The following GRIA2 variants were observed in gnomAD, a reference collection of about 807,000 sequenced individuals.
The protein encoded by GRIA2 is glutamate receptor 2.
In GRIA2, 14 loss-of-function variants were observed where a neutral mutation model predicts 97.3. The ratio of observed to expected loss-of-function variants is 0.14; its 90% CI spans 0.10 to 0.23. The LOEUF (loss-of-function observed/expected upper bound fraction) is 0.23, where lower values mean the gene tolerates loss of function less well. Ranked by LOEUF, GRIA2 falls within the 10% of genes least tolerant of loss-of-function variation. The pLI is 1.00. For synonymous variants in GRIA2, 412 were observed against 387.8 expected, an observed-to-expected ratio of 1.06 and a Z score of -0.73; for missense variants, 558 against 1,069.8, an observed-to-expected ratio of 0.52 and a Z score of 6.67.
chr4:157,238,904 TG>T (rs1730370100), intron 2 of GRIA2, among the ~76,000 whole-genome samples: 1 of 152,196 alleles, frequency 6.6e-6, no homozygotes, highest in Non-Finnish European at 1.5e-5. Flanking sequence ...AAATATTTTT[TG>T]TTATATAAAA....
intron 2 of GRIA2, among the ~76,000 whole-genome samples, chr4:157,298,088 C>T (rs183121296): frequency 6.6e-6 from 1 of 151,748 alleles, no homozygotes; most frequent in Non-Finnish European, 1.5e-5. Context: ...TTGACTGATG[C>T]CTTTATGTGA....
chr4:157,237,374 A>G (rs1040867870), intron 2 of GRIA2, among the ~76,000 whole-genome samples: 1 of 151,574 alleles, frequency 6.6e-6, no homozygotes, highest in Non-Finnish European at 1.5e-5. Flanking sequence ...GGCTCACTGT[A>G]ACCGCAAACT....
chr4:157,236,052 G>GA, intron 2 of GRIA2, among the ~76,000 whole-genome samples: 1 of 151,900 alleles, frequency 6.6e-6, no homozygotes, highest in Non-Finnish European at 1.5e-5. Context: ...ATTTCAGGTA[G>GA]AAAATCATGA....
chr4:157,291,926 GA>G (rs1041173577), intron 2 of GRIA2, among the ~76,000 whole-genome samples: 4 of 151,688 alleles, frequency 2.6e-5, no homozygotes, highest in Non-Finnish European at 5.9e-5. Flanking sequence ...AAAATATAAA[GA>G]AAAATCATCT....
At chr4:157,223,221 C>T (rs930103593) in intron 2 of GRIA2, among the ~76,000 whole-genome samples, 1 of 152,146 alleles carries the variant, frequency 6.6e-6, no homozygotes, top group African/African-American at 2.4e-5. Flanking sequence ...CAACTACTGT[C>T]ACCCGGACGA....
At chr4:157,228,832 C>A (rs1007302798) in intron 2 of GRIA2, among the ~76,000 whole-genome samples, 1 of 149,916 alleles carries the variant, frequency 6.7e-6, no homozygotes, top group African/African-American at 2.4e-5. Context: ...GAATGACCCC[C>A]CCACCTCCCC....
At position 157,341,389 on chromosome 4, in the gene GRIA2, C is replaced by T; in HGVS notation, c.1970C>T (p.Ala657Val). 1.2e-6 allele frequency: 2 copies of T among 1,612,732 alleles called. No individual in the cohort carries two copies. Among genetic ancestry groups the T allele is most frequent in the Non-Finnish European group, 1.7e-6 (2 of 1,178,890 alleles). ...VERMVSPIESAEDLSKQTEIA... is the reference protein window; with the variant it reads ...VERMVSPIESVEDLSKQTEIA... ...AGGATGGTGTCTCCCATCGAAAGTG[C>T]TGAGGATCTTTCTAAGCAAACAGAA... Residue 657 changes from alanine (A) to valine (V), a missense_variant, in exon 12 of 16, where the codon GCT becomes GTT. Ala to Val is a moderately conservative substitution (Grantham distance 64, BLOSUM62 0). Coordinates refer to ENST00000264426, the MANE Select transcript of GRIA2 (RefSeq NM_001083619.3).
At chr4:157,248,597 A>ACGTGTG (rs1240660535) in intron 2 of GRIA2, among the ~76,000 whole-genome samples, 1 of 63,692 alleles carries the variant, frequency 1.6e-5, no homozygotes, top group African/African-American at 7.5e-5. Flanking sequence ...ATATATGTAT[A>ACGTGTG]TATATGTATA....
intron 12 of GRIA2, among the ~76,000 whole-genome samples, chr4:157,342,879 T>G (rs1735606986): frequency 6.6e-6 from 1 of 152,092 alleles, no homozygotes; most frequent in Admixed American, 6.6e-5. Context: ...TTTCAGTTAT[T>G]ACCTTGTTTG....
chr4:157,351,323 A>G (rs747774777), intron 12 of GRIA2, among the ~76,000 whole-genome samples: 2 of 152,146 alleles, frequency 1.3e-5, no homozygotes, highest in Non-Finnish European at 2.9e-5. Flanking sequence ...ATTAAAAATA[A>G]CACTATTAAA....
At chr4:157,341,207 G>GT (rs1488856719) in intron 11 of GRIA2, 57 bp from the exon 12 acceptor site, 11 of 1,174,720 alleles carry the variant, frequency 9.4e-6, no homozygotes, top group African/African-American at 1.5e-5. Context: ...CTGCTAACTT[G>GT]TTTTTTTATT....
intron 12 of GRIA2, among the ~76,000 whole-genome samples, chr4:157,349,260 T>A (rs1002209510): frequency 6.6e-6 from 1 of 152,184 alleles, no homozygotes; most frequent in African/African-American, 2.4e-5. Context: ...TTCTGTCTTA[T>A]GTATATTAGT....
At chr4:157,325,638 G>C (rs1321534611) in intron 6 of GRIA2, among the ~76,000 whole-genome samples, 2 of 152,126 alleles carry the variant, frequency 1.3e-5, no homozygotes, top group East Asian at 3.9e-4. Context: ...TCAGCCTCTG[G>C]AAACTATTCC....
chr4:157,354,392 G>T (rs971797877), intron 12 of GRIA2, among the ~76,000 whole-genome samples: 5 of 152,108 alleles, frequency 3.3e-5, no homozygotes, highest in Admixed American at 6.5e-5. Flanking sequence ...CTTCAACAAT[G>T]CTAGACAATG....
chr4:157,359,021 G>T (rs1408263999), intron 12 of GRIA2, among the ~76,000 whole-genome samples: 7 of 152,044 alleles, frequency 4.6e-5, no homozygotes, highest in African/African-American at 1.7e-4. Flanking sequence ...TCCCAAAAGG[G>T]ATTAAAGTCA....
chr4:157,355,279 G>A (rs553873433), intron 12 of GRIA2, among the ~76,000 whole-genome samples: 3 of 152,174 alleles, frequency 2.0e-5, no homozygotes, highest in East Asian at 1.9e-4. Context: ...TGTAATCCCA[G>A]CACTTTGGGA....
At chr4:157,238,988 A>C (rs556795628) in intron 2 of GRIA2, among the ~76,000 whole-genome samples, 1 of 152,114 alleles carries the variant, frequency 6.6e-6, no homozygotes, top group Admixed American at 6.5e-5. Flanking sequence ...CTTTTGCCCA[A>C]TTTTTATTGT....
intron 2 of GRIA2, among the ~76,000 whole-genome samples, chr4:157,262,433 T>C (rs1332999031): frequency 6.6e-6 from 1 of 152,000 alleles, no homozygotes. Context: ...ATTGGGCCAA[T>C]CTTAATAACG....
rs72962850 is a variant in GRIA2, at chr4:157,282,862, G to C, written c.230-20690G>C. ...AATATGTATGAGCCGACATCCAAAAGAATGCACTGATTTCACAAAAATATA... is the reference window on the plus strand; with the variant it reads ...AATATGTATGAGCCGACATCCAAAACAATGCACTGATTTCACAAAAATATA... On this transcript the variant is annotated intron_variant, in intron 2 of 15. Coordinates refer to ENST00000264426, the MANE Select transcript of GRIA2 (RefSeq NM_001083619.3). 7.7e-3 allele frequency among the ~76,000 whole-genome samples: 1,166 copies of C among 152,106 alleles called. 11 individuals are homozygous for C. Among genetic ancestry groups the C allele is most frequent in the African/African-American group, 0.027 (1,109 of 41,528 alleles).
Sources: gnomAD v4.1 joint callset for allele counts (sites outside exome capture counted in the v4.1 genomes callset) on GRCh38, gnomAD v4.1.1 for gene constraint, MANE v1.5 for transcripts, NCBI Gene and HGNC (gene_info 2026-07-23, HGNC 2026-07-21) for gene names.